Variants in ANKRD30B observed in about 807,000 individuals in gnomAD.
The protein encoded by ANKRD30B is ankyrin repeat domain 30B.
A neutral mutation model predicts 202.2 loss-of-function variants in ANKRD30B; 144 were observed. That is an observed-to-expected ratio of 0.71 (90% CI 0.62 to 0.82). The LOEUF (loss-of-function observed/expected upper bound fraction) is 0.82, where lower values mean the gene tolerates loss of function less well. Among genes scored for constraint, ANKRD30B ranks in the 40% least tolerant of loss-of-function variants. The pLI is 0.00. For synonymous variants in ANKRD30B, 508 were observed against 561.3 expected (o/e 0.91, Z 1.34); for missense variants, 1,487 against 1,669.1 (o/e 0.89, Z 1.90).
chr18:14,784,444 T>C lies in ANKRD30B; in HGVS notation c.1600-19T>C, dbSNP rs1967947870. ...AGTACACATTCTTTATTGATCATTTTTCTTCCAAACCCATTTAGCCTGCCG... is the reference window on the plus strand; with the variant it reads ...AGTACACATTCTTTATTGATCATTTCTCTTCCAAACCCATTTAGCCTGCCG... On this transcript the variant is annotated intron_variant, in intron 13 of 43. Transcript: ENST00000690538. 1 of 1,613,172 alleles carries C rather than the reference T, an allele frequency of 6.2e-7. No homozygotes were observed. The highest frequency in any genetic ancestry group is 1.3e-5 in the African/African-American group (1 of 74,890).
At chr18:14,825,454 C>T (rs868051378) in intron 32 of ANKRD30B, among the ~76,000 whole-genome samples, 1 of 151,992 alleles carries the variant, frequency 6.6e-6, no homozygotes, top group East Asian at 1.9e-4. Flanking sequence ...CAGTACAAAG[C>T]AATCATGCAC....
chr18:14,921,385 G>C, the ANKRD30B span, among the ~76,000 whole-genome samples: 1 of 148,674 alleles, frequency 6.7e-6, no homozygotes, highest in African/African-American at 2.6e-5. Context: ...TGGGTGGAGA[G>C]GGCAGGAGAC....
At chr18:14,783,607 T>A (rs927378187) in intron 12 of ANKRD30B, among the ~76,000 whole-genome samples, 1 of 152,148 alleles carries the variant, frequency 6.6e-6, no homozygotes, top group Non-Finnish European at 1.5e-5. Flanking sequence ...ATAAGATTGC[T>A]TTTTAAAATA....
chr18:14,888,682 G>C, the ANKRD30B span: 7 of 538,542 alleles, frequency 1.3e-5, no homozygotes, highest in African/African-American at 1.4e-4. Flanking sequence ...GCTGGAACTG[G>C]TTCTTTATAT....
chr18:14,891,083 AC>A, the ANKRD30B span, among the ~76,000 whole-genome samples: 18 of 152,288 alleles, frequency 1.2e-4, no homozygotes, highest in East Asian at 3.3e-3. Context: ...TACATTTTCT[AC>A]ATGAAGGTAT....
At chr18:14,938,792 T>G in the ANKRD30B span, among the ~76,000 whole-genome samples, 1 of 152,222 alleles carries the variant, frequency 6.6e-6, no homozygotes, top group Admixed American at 6.5e-5. Context: ...TTAGTCTTGA[T>G]GCGTGTGGGA....
At chr18:14,855,131 G>A (rs1418241643), downstream of ANKRD30B, among the ~76,000 whole-genome samples, 2 of 152,076 alleles carry the variant, frequency 1.3e-5, no homozygotes, top group African/African-American at 2.4e-5. Context: ...CTGCCTTCAA[G>A]CATCTGTTTA....
chr18:14,793,339 G>C (rs1400602327), intron 16 of ANKRD30B, among the ~76,000 whole-genome samples: 1 of 152,082 alleles, frequency 6.6e-6, no homozygotes, highest in Non-Finnish European at 1.5e-5. Context: ...ATAAATATTT[G>C]TAATGTAATG....
chr18:14,776,464 C>T (rs1042327168), intron 9 of ANKRD30B, among the ~76,000 whole-genome samples: 3 of 152,146 alleles, frequency 2.0e-5, no homozygotes, highest in African/African-American at 7.2e-5. Context: ...AATCTCCCAT[C>T]TCAAAGATGA....
chr18:14,839,329 C>A lies in ANKRD30B; in HGVS notation c.2989-1259C>A, dbSNP rs369022587. 2.4e-4 allele frequency among the ~76,000 whole-genome samples: 37 copies of A among 152,238 alleles called. No individual in the cohort carries two copies. The East Asian group carries it at 4.4e-3, about 18-fold the overall frequency. ...TCCATGGTCAGAGTAGATCTTTCTG[C>A]AACTGCCATTTAATCTCCCATCTCA... is the stretch of plus-strand genomic sequence containing the variant. On this transcript the variant is annotated intron_variant, in intron 36 of 43. Transcript: ENST00000690538.
chr18:14,816,895 A>T (rs1224510526), intron 30 of ANKRD30B: 2 of 152,176 alleles, frequency 1.3e-5, no homozygotes, highest in African/African-American at 4.8e-5. Context: ...TCTCACTCAT[A>T]GGTGTGAATT....
chr18:14,900,186 G>A, the ANKRD30B span, among the ~76,000 whole-genome samples: 1 of 152,086 alleles, frequency 6.6e-6, no homozygotes, highest in East Asian at 1.9e-4. Context: ...TTTTAATTCA[G>A]CCACTTTAAT....
Position 14,852,345 on chromosome 18 carries a change from T to G in ANKRD30B, c.4401T>G (p.Asn1467Lys). The G allele has an allele frequency of 5.2e-6, 8 of 1,541,638 alleles. No homozygotes were observed. Among genetic ancestry groups the G allele is most frequent in the Non-Finnish European group, 7.0e-6 (8 of 1,144,250 alleles). ...TGCAACGTCATCTAAACGAGAAAAA[T>G]GAGGAGGTATTCAATTATGGTAACC... is the stretch of plus-strand genomic sequence containing the variant. ...MKMQRHLNEKNEEVFNYGNHL... is the reference protein window; with the variant it reads ...MKMQRHLNEKKEEVFNYGNHL... The change falls in exon 42 of 44, where the codon AAT (asparagine) becomes AAG (lysine). Residue 1467 changes from asparagine (N) to lysine (K), a missense_variant. Around this residue, in one of 6 missense-constraint regions of ANKRD30B, gnomAD observed 182 missense variants for 216.0 expected, o/e 0.84. Coordinates refer to ENST00000690538, the MANE Select transcript of ANKRD30B (RefSeq NM_001367607.2).
At chr18:14,847,050 TTA>T (rs56871571) in intron 39 of ANKRD30B, among the ~76,000 whole-genome samples, 3,286 of 109,856 alleles carry the variant, frequency 0.03, 35 homozygotes, top group East Asian at 0.046. Context: ...TGATTTAGTT[TTA>T]TATATATATA....
At chr18:14,828,008 T>C (rs1428144390) in intron 32 of ANKRD30B, among the ~76,000 whole-genome samples, 1 of 152,232 alleles carries the variant, frequency 6.6e-6, no homozygotes. Context: ...ATCTGAGTCT[T>C]TGTAACAAAG....
intron 1 of ANKRD30B, among the ~76,000 whole-genome samples, chr18:14,749,236 G>A (rs902425602): frequency 2.6e-5 from 4 of 152,182 alleles, no homozygotes; most frequent in African/African-American, 9.6e-5. Context: ...CGACTTACCA[G>A]TTTTACATAA....
At chr18:14,805,105 T>C (rs1188279870) in intron 24 of ANKRD30B, among the ~76,000 whole-genome samples, 2 of 150,680 alleles carry the variant, frequency 1.3e-5, no homozygotes, top group Admixed American at 1.3e-4. Flanking sequence ...TATTCACAAT[T>C]TGAATAAGAC....
At chr18:14,864,132 C>T in the ANKRD30B span, among the ~76,000 whole-genome samples, 2 of 152,138 alleles carry the variant, frequency 1.3e-5, no homozygotes, top group Non-Finnish European at 2.9e-5. Flanking sequence ...CAACAGAGGT[C>T]GGGACCAGCC....
chr18:14,865,958 C>T, the ANKRD30B span, among the ~76,000 whole-genome samples: 64,338 of 140,190 alleles, frequency 0.46, 11,557 homozygotes, highest in African/African-American at 0.48. Context: ...CTGGACTACA[C>T]GTTCCAGGAT....
Sources: allele counts gnomAD v4.1 joint callset (sites outside exome capture counted in the v4.1 genomes callset), GRCh38; gene constraint gnomAD v4.1.1; regional missense constraint gnomAD v4.1.1; transcripts MANE v1.5; gene names NCBI Gene and HGNC (gene_info 2026-07-23, HGNC 2026-07-21).